The following LSAMP variants were observed in gnomAD, a reference collection of about 807,000 sequenced individuals.
LSAMP encodes limbic system associated membrane protein.
A neutral mutation model predicts 38.6 loss-of-function variants in LSAMP; 7 were observed. The observed-to-expected ratio is 0.18, with a 90% CI of 0.10 to 0.34. The LOEUF (loss-of-function observed/expected upper bound fraction) is 0.34, where lower values mean the gene tolerates loss of function less well. Ranked by LOEUF, LSAMP falls within the 10% of genes least tolerant of loss-of-function variation. The pLI is 1.00. For synonymous variants in LSAMP, 154 were observed against 166.8 expected, an observed-to-expected ratio of 0.92 and a Z score of 0.59; for missense variants, 313 against 420.0, an observed-to-expected ratio of 0.75 and a Z score of 2.23.
chr3:116,011,568 CAA>C (rs11288603), intron 3 of LSAMP, among the ~76,000 whole-genome samples: 4 of 147,928 alleles, frequency 2.7e-5, no homozygotes, highest in East Asian at 2.0e-4. Context: ...GAAAATTAAG[CAA>C]AAAAAAAAAT....
At chr3:115,953,412 C>T (rs1938355810) in intron 3 of LSAMP, among the ~76,000 whole-genome samples, 2 of 134,114 alleles carry the variant, frequency 1.5e-5, no homozygotes, top group South Asian at 2.2e-4. Flanking sequence ...CGTACACACA[C>T]ACACACACAC....
intron 3 of LSAMP, among the ~76,000 whole-genome samples, chr3:115,985,286 G>A (rs2107633661): frequency 6.6e-6 from 1 of 152,276 alleles, no homozygotes; most frequent in Middle Eastern, 3.4e-3. Flanking sequence ...TATTGGCTTA[G>A]TGGTTAATTA....
intron 1 of LSAMP, among the ~76,000 whole-genome samples, chr3:116,109,271 G>A (rs892424776): frequency 2.6e-5 from 4 of 152,210 alleles, no homozygotes; most frequent in Non-Finnish European, 5.9e-5. Context: ...GAAACTGTAA[G>A]CCGGACCAGG....
intron 1 of LSAMP, among the ~76,000 whole-genome samples, chr3:116,243,364 G>A (rs1466135206): frequency 2.0e-5 from 3 of 152,194 alleles, no homozygotes; most frequent in Non-Finnish European, 4.4e-5. Context: ...ACTCCTGCCA[G>A]GAAGAGAGGA....
intron 1 of LSAMP, among the ~76,000 whole-genome samples, chr3:116,229,255 C>T (rs1234156034): frequency 5.3e-5 from 8 of 152,038 alleles, no homozygotes; most frequent in Admixed American, 5.2e-4. Flanking sequence ...GATTTATTTA[C>T]TTAAGAAAAA....
intron 1 of LSAMP, among the ~76,000 whole-genome samples, chr3:116,202,159 A>G (rs2107594365): frequency 1.4e-5 from 2 of 147,182 alleles, no homozygotes; most frequent in East Asian, 4.0e-4. Context: ...TTTTTTAGGC[A>G]GAGTCTCGCT....
intron 1 of LSAMP, among the ~76,000 whole-genome samples, chr3:116,250,333 A>G (rs2046663628): frequency 6.6e-6 from 1 of 152,172 alleles, no homozygotes. Context: ...GGGACTTTCT[A>G]TCTACTCTAA....
chr3:116,251,834 C>T (rs537531700), intron 1 of LSAMP, among the ~76,000 whole-genome samples: 2 of 152,216 alleles, frequency 1.3e-5, no homozygotes, highest in South Asian at 2.1e-4. Flanking sequence ...CATGTTGTAC[C>T]TTTAAATTTA....
chr3:116,031,538 C>CCT (rs1940923203), intron 2 of LSAMP, among the ~76,000 whole-genome samples: 5 of 60,238 alleles, frequency 8.3e-5, no homozygotes, highest in African/African-American at 2.3e-4. Flanking sequence ...AGCCTAAATT[C>CCT]TTTTTTTTTT....
intron 1 of LSAMP, among the ~76,000 whole-genome samples, chr3:116,220,836 T>C (rs1323503578): frequency 1.3e-5 from 2 of 152,100 alleles, no homozygotes. Flanking sequence ...GGAAGCATGG[T>C]TCCAGTCTTG....
chr3:116,419,203 G>C (rs1343700429), intron 1 of LSAMP, among the ~76,000 whole-genome samples: 2 of 152,136 alleles, frequency 1.3e-5, no homozygotes, highest in Non-Finnish European at 2.9e-5. Context: ...ATACTGCCTG[G>C]AGTTCCCTAC....
At chr3:116,355,165 G>T (rs1028320383) in intron 1 of LSAMP, among the ~76,000 whole-genome samples, 2 of 151,858 alleles carry the variant, frequency 1.3e-5, no homozygotes, top group African/African-American at 2.4e-5. Context: ...TGAGTTTTAA[G>T]ATTTGAGTAA....
At chr3:115,840,720 A>AT (rs528869162) in intron 6 of LSAMP, among the ~76,000 whole-genome samples, 2 of 152,020 alleles carry the variant, frequency 1.3e-5, no homozygotes, top group Middle Eastern at 3.4e-3. Context: ...ACTTAAATTG[A>AT]TTTTTTTTCT....
chr3:116,249,125 G>C (rs1205500143), intron 1 of LSAMP, among the ~76,000 whole-genome samples: 1 of 140,390 alleles, frequency 7.1e-6, no homozygotes, highest in Non-Finnish European at 1.6e-5. Flanking sequence ...CTCCAGCCTG[G>C]GTGACAGAGC....
chr3:116,405,693 T>A (rs1481789199), intron 1 of LSAMP, among the ~76,000 whole-genome samples: 1 of 152,114 alleles, frequency 6.6e-6, no homozygotes, highest in Non-Finnish European at 1.5e-5. Context: ...ATGAGTCTCA[T>A]GAATATTGAG....
At chr3:116,384,496 G>A (rs2048600836) in intron 1 of LSAMP, among the ~76,000 whole-genome samples, 1 of 152,112 alleles carries the variant, frequency 6.6e-6, no homozygotes, top group Non-Finnish European at 1.5e-5. Context: ...CTCACAGAGT[G>A]AGTCTGCAGC....
At chr3:116,232,713 T>C (rs1004015195) in intron 1 of LSAMP, among the ~76,000 whole-genome samples, 1 of 148,020 alleles carries the variant, frequency 6.8e-6, no homozygotes, top group African/African-American at 2.5e-5. Flanking sequence ...TTTTTTTTTT[T>C]TTTCCAGCAG....
At chr3:116,379,287 T>C (rs1304899847) in intron 1 of LSAMP, among the ~76,000 whole-genome samples, 3 of 151,914 alleles carry the variant, frequency 2.0e-5, no homozygotes, top group Admixed American at 2.0e-4. Context: ...AACAGACCAC[T>C]GGGATAAAAA....
intron 1 of LSAMP, among the ~76,000 whole-genome samples, chr3:116,167,218 A>G (rs1445961293): frequency 6.6e-6 from 1 of 152,042 alleles, no homozygotes; most frequent in African/African-American, 2.4e-5. Flanking sequence ...ACTGTACCCA[A>G]TATGTAGTCT....
Sources: gnomAD v4.1 joint callset for allele counts (sites outside exome capture counted in the v4.1 genomes callset) on GRCh38, gnomAD v4.1.1 for gene constraint, MANE v1.5 for transcripts, NCBI Gene and HGNC (gene_info 2026-07-23, HGNC 2026-07-21) for gene names.